The following CTNNA3 variants were observed in gnomAD, a reference collection of about 807,000 sequenced individuals.
CTNNA3 encodes the protein catenin alpha 3, also known as catenin alpha-3.
CTNNA3 carries 76 observed loss-of-function variants against 95.7 expected under a neutral mutation model. That is an observed-to-expected ratio of 0.79 (90% CI 0.66 to 0.96). CTNNA3 has a LOEUF of 0.96. CTNNA3 is among the 40% of genes least tolerant of loss of function. The probability of loss-of-function intolerance (pLI) is 0.00; values close to 1 mark genes in which losing one functional copy is unlikely to be tolerated. For missense variants in CTNNA3, 1,191 were observed against 1,089.8 expected (o/e 1.09, Z -1.31); for synonymous variants, 431 against 374.4 (o/e 1.15, Z -1.74).
At chr10:66,058,336 G>A (rs2080125673) in intron 15 of CTNNA3, among the ~76,000 whole-genome samples, 1 of 152,066 alleles carries the variant, frequency 6.6e-6, no homozygotes, top group Non-Finnish European at 1.5e-5. Context: ...GACAGCGGGG[G>A]CAGAAATGCT....
intron 5 of CTNNA3, among the ~76,000 whole-genome samples, chr10:67,328,076 G>A (rs1488919450): frequency 6.6e-6 from 1 of 152,080 alleles, no homozygotes; most frequent in East Asian, 1.9e-4. Flanking sequence ...GGGAGAGGAA[G>A]GGTAGACTGC....
At chr10:66,796,429 G>A (rs1841193644) in intron 7 of CTNNA3, among the ~76,000 whole-genome samples, 1 of 151,946 alleles carries the variant, frequency 6.6e-6, no homozygotes, top group African/African-American at 2.4e-5. Context: ...TATGGGTGCA[G>A]TTTGTGGCCC....
At chr10:66,588,429 C>CA (rs1392659475) in intron 10 of CTNNA3, among the ~76,000 whole-genome samples, 1 of 152,176 alleles carries the variant, frequency 6.6e-6, no homozygotes, top group Non-Finnish European at 1.5e-5. Flanking sequence ...GTGGGAGAGG[C>CA]AGGCTAACAA....
chr10:66,516,271 T>C (rs1296219466), intron 11 of CTNNA3, among the ~76,000 whole-genome samples: 3 of 152,106 alleles, frequency 2.0e-5, no homozygotes, highest in East Asian at 1.9e-4. Context: ...TAAAGAATCA[T>C]GGCTAAACTA....
intron 7 of CTNNA3, among the ~76,000 whole-genome samples, chr10:66,948,726 A>C (rs1426133579): frequency 6.6e-6 from 1 of 152,204 alleles, no homozygotes; most frequent in Non-Finnish European, 1.5e-5. Context: ...TGAACATATT[A>C]AATGATAACA....
At chr10:66,009,107 A>T (rs1167307390) in intron 15 of CTNNA3, among the ~76,000 whole-genome samples, 1 of 152,114 alleles carries the variant, frequency 6.6e-6, no homozygotes, top group East Asian at 1.9e-4. Context: ...CTCAGAAAAA[A>T]AAAAAATTCT....
chr10:66,063,660 G>C (rs1171926147), intron 15 of CTNNA3, among the ~76,000 whole-genome samples: 2 of 151,606 alleles, frequency 1.3e-5, no homozygotes, highest in African/African-American at 4.8e-5. Flanking sequence ...GATATTATTG[G>C]TATGATTTAT....
chr10:66,556,864 T>A (rs1842406992), intron 10 of CTNNA3, among the ~76,000 whole-genome samples: 1 of 152,054 alleles, frequency 6.6e-6, no homozygotes, highest in African/African-American at 2.4e-5. Context: ...AGAATAGATT[T>A]CAGGTGCTCC....
intron 7 of CTNNA3, among the ~76,000 whole-genome samples, chr10:66,979,178 G>C (rs1367077585): frequency 6.6e-6 from 1 of 151,828 alleles, no homozygotes; most frequent in Non-Finnish European, 1.5e-5. Flanking sequence ...ATGTTGGCCA[G>C]GCTGGTCTCA....
At chr10:66,005,133 A>T (rs1275594484) in intron 15 of CTNNA3, among the ~76,000 whole-genome samples, 2 of 152,082 alleles carry the variant, frequency 1.3e-5, no homozygotes, top group African/African-American at 4.8e-5. Flanking sequence ...TTCTGTTATC[A>T]CACTTATGTC....
chr10:66,087,619 A>G (rs898091126), intron 14 of CTNNA3, among the ~76,000 whole-genome samples: 55 of 152,118 alleles, frequency 3.6e-4, no homozygotes, highest in African/African-American at 1.3e-3. Context: ...CAGTTTACGG[A>G]GCCAGTGATC....
At position 66,049,829 on chromosome 10, in the gene CTNNA3, A is replaced by G. The variant is rs1370268512; in HGVS notation, c.2159+19479T>C. Among the ~76,000 whole-genome samples the G allele has an allele frequency of 2.0e-5, 3 of 152,150 alleles. 1 individual carries two copies. In the East Asian group the frequency reaches 5.8e-4, roughly 29 times the overall value. On this transcript the variant is annotated intron_variant, in intron 15 of 17. Coordinates refer to ENST00000433211, the MANE Select transcript of CTNNA3 (RefSeq NM_013266.4). ...TGGGAGGAGGAGAGGAGCAGAAAAG[A>G]TAACTATTGGGTACTGGGCTTAATA...
intron 2 of CTNNA3, among the ~76,000 whole-genome samples, chr10:67,633,404 CT>C (rs1029995632): frequency 1.3e-5 from 2 of 152,226 alleles, no homozygotes; most frequent in African/African-American, 4.8e-5. Context: ...ATCCAGACTG[CT>C]TCTGATCCCA....
Position 67,143,370 on chromosome 10 carries a change from C to T in CTNNA3, c.1047+36947G>A, listed in dbSNP as rs527856059. Among the ~76,000 whole-genome samples the T allele has an allele frequency of 3.5e-5, 5 of 141,656 alleles. No individual in the cohort carries two copies. The South Asian group carries it at 9.0e-4, about 26-fold the overall frequency. The allele number at this position is 141,656 out of a possible 152,430, so 92.9% of individuals were successfully genotyped here. ...CCAGAAGGTGGAGGTTGTAGTGAGC[C>T]GAAATCACGCCACTCACTACACTCC... On this transcript the variant is annotated intron_variant, in intron 7 of 17. Transcript: ENST00000433211.
At chr10:66,370,736 G>T (rs1026311612) in intron 12 of CTNNA3, among the ~76,000 whole-genome samples, 7 of 151,970 alleles carry the variant, frequency 4.6e-5, no homozygotes, top group African/African-American at 7.2e-5. Flanking sequence ...GAGAGACAGG[G>T]TCTCACTCTG....
intron 15 of CTNNA3, among the ~76,000 whole-genome samples, chr10:66,063,130 CATTTCAA>C (rs2080237077): frequency 6.6e-6 from 1 of 151,198 alleles, no homozygotes; most frequent in Non-Finnish European, 1.5e-5. Flanking sequence ...TAGACCCAGT[CATTTCAA>C]TATATCCTTC....
At chr10:66,836,896 A>AT (rs547767249) in intron 7 of CTNNA3, among the ~76,000 whole-genome samples, 3 of 152,036 alleles carry the variant, frequency 2.0e-5, no homozygotes, top group African/African-American at 7.2e-5. Flanking sequence ...CCCACGTATC[A>AT]TTTTTTTAAT....
At chr10:67,392,382 C>G (rs1029478013) in intron 5 of CTNNA3, among the ~76,000 whole-genome samples, 1 of 152,068 alleles carries the variant, frequency 6.6e-6, no homozygotes, top group African/African-American at 2.4e-5. Flanking sequence ...GTTAGAATGG[C>G]GATCATTAAA....
intron 12 of CTNNA3, among the ~76,000 whole-genome samples, chr10:66,335,338 G>C (rs1025460921): frequency 4.6e-5 from 7 of 152,028 alleles, no homozygotes; most frequent in African/African-American, 1.7e-4. Flanking sequence ...TTTCTGCTTT[G>C]TTTTTTCCCC....
Sources: gnomAD v4.1 joint callset for allele counts (sites outside exome capture counted in the v4.1 genomes callset) on GRCh38, gnomAD v4.1.1 for gene constraint, MANE v1.5 for transcripts, NCBI Gene and HGNC (gene_info 2026-07-23, HGNC 2026-07-21) for gene names.